Variants in NOL4 observed in about 807,000 individuals in gnomAD.
NOL4 encodes cancer/testis antigen 125.
A neutral mutation model predicts 75.9 loss-of-function variants in NOL4; 17 were observed. That is an observed-to-expected ratio of 0.22 (90% CI 0.15 to 0.34). The LOEUF is 0.34. NOL4 is among the 10% of genes least tolerant of loss of function. NOL4 has a pLI of 1.00. For synonymous variants in NOL4, 292 were observed against 289.9 expected (o/e 1.01, Z -0.07); for missense variants, 614 against 793.5 (o/e 0.77, Z 2.72).
chr18:33,915,852 C>T (rs1568056937), intron 9 of NOL4, among the ~76,000 whole-genome samples: 1 of 152,132 alleles, frequency 6.6e-6, no homozygotes, highest in Non-Finnish European at 1.5e-5. Context: ...GTCAATTCCT[C>T]TTTGGTGCTT....
At chr18:33,986,712 G>A (rs1029531467) in intron 6 of NOL4, among the ~76,000 whole-genome samples, 2 of 151,914 alleles carry the variant, frequency 1.3e-5, no homozygotes, top group East Asian at 3.9e-4. Context: ...AATCAGTTGG[G>A]CATTTTTAAA....
chr18:33,904,162 T>C (rs1454489435), intron 9 of NOL4, among the ~76,000 whole-genome samples: 1 of 152,126 alleles, frequency 6.6e-6, no homozygotes, highest in African/African-American at 2.4e-5. Context: ...TGCCTAGAAT[T>C]ATTAACTAGC....
At chr18:34,135,669 G>C (rs1253317966) in intron 1 of NOL4, among the ~76,000 whole-genome samples, 5 of 110,720 alleles carry the variant, frequency 4.5e-5, no homozygotes. Context: ...CTGCACTCCA[G>C]CCTGGGCGAC....
chr18:33,867,722 T>G (rs546977667), intron 10 of NOL4, among the ~76,000 whole-genome samples: 9 of 151,572 alleles, frequency 5.9e-5, no homozygotes, highest in African/African-American at 2.2e-4. Flanking sequence ...ATTATATAGA[T>G]TGAAAAGTCC....
chr18:33,911,345 G>C (rs2066390089), intron 9 of NOL4, among the ~76,000 whole-genome samples: 1 of 151,780 alleles, frequency 6.6e-6, no homozygotes, highest in Admixed American at 6.6e-5. Flanking sequence ...CTTTCCCTCT[G>C]CTTTTTCTCT....
At chr18:33,896,256 C>T (rs2065402923) in intron 9 of NOL4, among the ~76,000 whole-genome samples, 2 of 152,002 alleles carry the variant, frequency 1.3e-5, no homozygotes, top group Admixed American at 1.3e-4. Flanking sequence ...AATGCTATTC[C>T]TATCTAATTA....
chr18:34,049,354 C>A (rs550894921), intron 5 of NOL4, among the ~76,000 whole-genome samples: 1 of 151,636 alleles, frequency 6.6e-6, no homozygotes, highest in Admixed American at 6.6e-5. Context: ...AGATTTCATA[C>A]GTTATTTTCA....
intron 1 of NOL4, among the ~76,000 whole-genome samples, chr18:34,187,239 A>G (rs1242606554): frequency 1.3e-5 from 2 of 151,896 alleles, no homozygotes; most frequent in African/African-American, 2.4e-5. Context: ...TTCTGTTTCT[A>G]TATTTTGCTT....
At chr18:34,205,301 T>A (rs912711101) in intron 1 of NOL4, among the ~76,000 whole-genome samples, 6 of 152,070 alleles carry the variant, frequency 3.9e-5, no homozygotes, top group African/African-American at 1.4e-4. Flanking sequence ...TAAAGAGACA[T>A]GAAAAGAAAA....
intron 1 of NOL4, among the ~76,000 whole-genome samples, chr18:34,161,243 C>A (rs1218776119): frequency 1.3e-5 from 2 of 152,122 alleles, no homozygotes; most frequent in South Asian, 4.1e-4. Context: ...GATATCATAT[C>A]TTGGCTATTG....
At chr18:34,166,082 G>A (rs553587134) in intron 1 of NOL4, among the ~76,000 whole-genome samples, 6 of 152,050 alleles carry the variant, frequency 3.9e-5, no homozygotes, top group African/African-American at 1.4e-4. Flanking sequence ...TTAGTCTCTA[G>A]CTTAGTTAAT....
intron 9 of NOL4, among the ~76,000 whole-genome samples, chr18:33,924,418 G>A (rs556423179): frequency 1.3e-5 from 2 of 152,024 alleles, no homozygotes; most frequent in South Asian, 2.1e-4. Flanking sequence ...TTTAAACTAC[G>A]GCATTAATCC....
chr18:34,042,052 A>C (rs2076164187), intron 5 of NOL4, among the ~76,000 whole-genome samples: 1 of 152,042 alleles, frequency 6.6e-6, no homozygotes, highest in Non-Finnish European at 1.5e-5. Context: ...AGTCAGGAGC[A>C]AAAAATGAAG....
In NOL4 at chr18:33,861,539, G is replaced by A. The variant is rs567758735; in HGVS notation, c.1724-8504C>T. Among the ~76,000 whole-genome samples the A allele has an allele frequency of 6.0e-5, 9 of 151,184 alleles. No individual in the cohort carries two copies. The South Asian group carries it at 1.9e-3, about 32-fold the overall frequency. ...TTCTTCTCTCTTTTTTTCTTTATTA[G>A]TCTTGCTAGCAGTGTATCAACATCA... On this transcript the variant is annotated intron_variant, in intron 10 of 10. Coordinates refer to ENST00000261592, the MANE Select transcript of NOL4 (RefSeq NM_003787.5).
chr18:34,135,672 T>C (rs2080858382), intron 1 of NOL4, among the ~76,000 whole-genome samples: 1 of 111,582 alleles, frequency 9.0e-6, no homozygotes, highest in Non-Finnish European at 1.6e-5. Context: ...CACTCCAGCC[T>C]GGGCGACAGA....
chr18:33,923,174 G>T lies in NOL4; in HGVS notation c.1542+19891C>A, dbSNP rs1568068187. ...AACAAAGAATACCCTCATGGATTTG[G>T]ATATACCAATTTTTTGTCTTCCTTT... is the stretch of plus-strand genomic sequence containing the variant. On this transcript the variant is annotated intron_variant, in intron 9 of 10. Transcript: ENST00000261592. Among the ~76,000 whole-genome samples, 3 of 152,116 alleles carry T rather than the reference G, an allele frequency of 2.0e-5. No individual in the cohort carries two copies. The East Asian group carries it at 5.8e-4, about 29-fold the overall frequency.
intron 1 of NOL4, among the ~76,000 whole-genome samples, chr18:34,214,069 C>T (rs1425480862): frequency 2.0e-5 from 3 of 152,116 alleles, no homozygotes; most frequent in Non-Finnish European, 4.4e-5. Context: ...TCCTTAGTTT[C>T]CCTCTACATA....
At chr18:34,038,581 G>T (rs928592533) in intron 5 of NOL4, among the ~76,000 whole-genome samples, 3 of 152,080 alleles carry the variant, frequency 2.0e-5, no homozygotes, top group Non-Finnish European at 2.9e-5. Context: ...CATGTCATTT[G>T]CAGCAACATG....
At chr18:34,056,402 C>CT (rs2145055973) in intron 5 of NOL4, among the ~76,000 whole-genome samples, 1 of 152,226 alleles carries the variant, frequency 6.6e-6, no homozygotes, top group African/African-American at 2.4e-5. Flanking sequence ...CCTAAGCAGC[C>CT]TGCCCATTTT....
Sources: gnomAD v4.1 joint callset for allele counts (sites outside exome capture counted in the v4.1 genomes callset) on GRCh38, gnomAD v4.1.1 for gene constraint, MANE v1.5 for transcripts, NCBI Gene and HGNC (gene_info 2026-07-23, HGNC 2026-07-21) for gene names.